MEF2C: variants seen among roughly 807,000 people sequenced by gnomAD.
MEF2C encodes the protein myocyte enhancer factor 2C.
Under a neutral mutation model 50.5 loss-of-function variants are expected in MEF2C, and 6 were observed. The ratio of observed to expected loss-of-function variants is 0.12; its 90% CI spans 0.07 to 0.23. The LOEUF (loss-of-function observed/expected upper bound fraction) is 0.23, where lower values mean the gene tolerates loss of function less well. Ranked by LOEUF, MEF2C falls within the 10% of genes least tolerant of loss-of-function variation. The pLI, the probability that MEF2C is intolerant of heterozygous loss-of-function variation, is 1.00. For synonymous variants in MEF2C, 183 were observed against 228.0 expected (o/e 0.80, Z 1.78); for missense variants, 276 against 605.0 (o/e 0.46, Z 5.70).
chr5:88,837,896 C>A (rs1397848891), intron 1 of MEF2C, among the ~76,000 whole-genome samples: 1 of 152,124 alleles, frequency 6.6e-6, no homozygotes, highest in Non-Finnish European at 1.5e-5. Context: ...GTATTAAAAG[C>A]TTTACATATA....
chr5:88,845,319 G>T (rs1297090845), intron 1 of MEF2C, among the ~76,000 whole-genome samples: 5 of 152,142 alleles, frequency 3.3e-5, no homozygotes, highest in Non-Finnish European at 7.4e-5. Context: ...CCACATTATG[G>T]AAAAAACTCT....
chr5:88,745,753 TG>T (rs1174293364), intron 6 of MEF2C, among the ~76,000 whole-genome samples: 2 of 152,192 alleles, frequency 1.3e-5, no homozygotes, highest in Non-Finnish European at 2.9e-5. Flanking sequence ...AGATTGAGGC[TG>T]CAGTGAGCCT....
At chr5:88,776,747 G>C (rs1784963292) in intron 3 of MEF2C, among the ~76,000 whole-genome samples, 1 of 152,214 alleles carries the variant, frequency 6.6e-6, no homozygotes, top group Non-Finnish European at 1.5e-5. Context: ...AACACTTCAA[G>C]TGATCCCTTG....
At chr5:88,819,713 G>C (rs1261439220) in intron 2 of MEF2C, among the ~76,000 whole-genome samples, 1 of 151,822 alleles carries the variant, frequency 6.6e-6, no homozygotes, top group Non-Finnish European at 1.5e-5. Flanking sequence ...AACTCAATCA[G>C]GGGTCCATAA....
intron 1 of MEF2C, among the ~76,000 whole-genome samples, chr5:88,849,084 G>A (rs529071240): frequency 6.7e-6 from 1 of 149,666 alleles, no homozygotes; most frequent in Non-Finnish European, 1.5e-5. Context: ...CCGGGAGGCA[G>A]AGGTTGCAGT....
chr5:88,881,782 T>C (rs77381797), intron 1 of MEF2C, among the ~76,000 whole-genome samples: 11,224 of 150,936 alleles, frequency 0.074, 856 homozygotes, highest in African/African-American at 0.19. Flanking sequence ...TTATAGCACT[T>C]AGAAATTATA....
At chr5:88,777,024 T>G (rs80193866) in intron 3 of MEF2C, among the ~76,000 whole-genome samples, 6,180 of 152,286 alleles carry the variant, frequency 0.041, 142 homozygotes, top group African/African-American at 0.043. Flanking sequence ...CTTCAATAAC[T>G]TCAGGCATTA....
intron 6 of MEF2C, among the ~76,000 whole-genome samples, chr5:88,746,190 A>T (rs1257062887): frequency 1.3e-5 from 2 of 152,236 alleles, no homozygotes; most frequent in Non-Finnish European, 2.9e-5. Context: ...AGAAAGAACA[A>T]GCAGTCCTGG....
At chr5:88,870,244 G>A (rs10064180) in intron 1 of MEF2C, among the ~76,000 whole-genome samples, 11,401 of 151,778 alleles carry the variant, frequency 0.075, 869 homozygotes, top group African/African-American at 0.19. Flanking sequence ...TATTTTTAAT[G>A]GAAAGTAAAT....
chr5:88,806,099 A>G (rs1363712910), intron 2 of MEF2C, among the ~76,000 whole-genome samples: 1 of 151,920 alleles, frequency 6.6e-6, no homozygotes, highest in East Asian at 1.9e-4. Flanking sequence ...GTTTCTTTGC[A>G]TATTTATTTA....
chr5:88,831,721 G>T (rs1190049247), intron 1 of MEF2C, among the ~76,000 whole-genome samples: 1 of 151,952 alleles, frequency 6.6e-6, no homozygotes, highest in Non-Finnish European at 1.5e-5. Context: ...ATATGATATT[G>T]CTATTATATG....
chr5:88,781,624 A>G (rs1029687498), intron 3 of MEF2C, among the ~76,000 whole-genome samples: 1 of 152,174 alleles, frequency 6.6e-6, no homozygotes, highest in Non-Finnish European at 1.5e-5. Context: ...GAGAGTTTTC[A>G]TATTTGGCAG....
rs555457732 is a variant in MEF2C, at chr5:88,787,921, T to C, written c.258+16677A>G. Among the ~76,000 whole-genome samples, 9 of 152,314 alleles carry C rather than the reference T, an allele frequency of 5.9e-5. No individual in the cohort carries two copies. In the South Asian group the frequency reaches 1.9e-3, roughly 32 times the overall value. On this transcript the variant is annotated intron_variant, in intron 3 of 10. Transcript: ENST00000504921. The stretch of plus-strand genomic sequence containing the variant: ...GGGCAATTCCAGCTTCAGTGATCCC[T>C]CCATTTTCTCGTCTTTCTCCACAAA...
chr5:88,790,755 CTAATG>C (rs1793390010), intron 3 of MEF2C, among the ~76,000 whole-genome samples: 1 of 152,024 alleles, frequency 6.6e-6, no homozygotes, highest in Non-Finnish European at 1.5e-5. Context: ...TTTATTTATG[CTAATG>C]ATCATCAGTA....
chr5:88,783,834 A>G (rs751769017), intron 3 of MEF2C, among the ~76,000 whole-genome samples: 2 of 152,138 alleles, frequency 1.3e-5, no homozygotes, highest in Admixed American at 6.5e-5. Flanking sequence ...TTGGACTGTA[A>G]GTTTTGTGAG....
chr5:88,823,669 C>T (rs1002304578), intron 2 of MEF2C, 66 bp downstream of exon 2: 2 of 1,420,786 alleles, frequency 1.4e-6, no homozygotes, highest in Non-Finnish European at 2.0e-6. Context: ...ATTTTCTGTA[C>T]CCTTAACATA....
At chr5:88,896,924 A>G (rs1462076181) in intron 1 of MEF2C, among the ~76,000 whole-genome samples, 2 of 147,032 alleles carry the variant, frequency 1.4e-5, no homozygotes, top group Admixed American at 1.4e-4. Flanking sequence ...CTTTAGTATC[A>G]GTTGTGAACT....
At chr5:88,843,007 T>C (rs1241965746) in intron 1 of MEF2C, among the ~76,000 whole-genome samples, 4 of 152,108 alleles carry the variant, frequency 2.6e-5, no homozygotes, top group Non-Finnish European at 5.9e-5. Flanking sequence ...CCTTCAGTCC[T>C]GCTCTAGAAG....
At chr5:88,842,312 TA>T in intron 1 of MEF2C, among the ~76,000 whole-genome samples, 1 of 152,184 alleles carries the variant, frequency 6.6e-6, no homozygotes, top group Non-Finnish European at 1.5e-5. Flanking sequence ...AAAACTAAAC[TA>T]ATTAATTAAT....
Sources: gnomAD v4.1 joint callset for allele counts (sites outside exome capture counted in the v4.1 genomes callset) on GRCh38, gnomAD v4.1.1 for gene constraint, MANE v1.5 for transcripts, NCBI Gene and HGNC (gene_info 2026-07-23, HGNC 2026-07-21) for gene names.